SYNPR: variants seen among roughly 807,000 people sequenced by gnomAD.
SYNPR encodes the protein synaptoporin.
A neutral mutation model predicts 32.9 loss-of-function variants in SYNPR; 23 were observed. That is an observed-to-expected ratio of 0.70 (90% CI 0.50 to 0.99). The LOEUF is 0.99. Ranked by LOEUF, SYNPR falls within the 50% of genes least tolerant of loss-of-function variation. The pLI is 0.00. For synonymous variants in SYNPR, 146 were observed against 135.9 expected, an observed-to-expected ratio of 1.07 and a Z score of -0.52; for missense variants, 318 against 349.3, an observed-to-expected ratio of 0.91 and a Z score of 0.71.
intron 2 of SYNPR, among the ~76,000 whole-genome samples, chr3:63,342,026 T>G (rs1021816687): frequency 6.6e-6 from 1 of 152,234 alleles, no homozygotes; most frequent in African/African-American, 2.4e-5. Context: ...CATTTTAATT[T>G]TTGTGGAAGT....
chr3:63,561,759 A>G (rs1559537107), intron 4 of SYNPR, among the ~76,000 whole-genome samples: 1 of 152,196 alleles, frequency 6.6e-6, no homozygotes, highest in Non-Finnish European at 1.5e-5. Flanking sequence ...TAAAATGGCC[A>G]GGATAAATGT....
At chr3:63,608,253 C>T (rs957023506) in intron 4 of SYNPR, among the ~76,000 whole-genome samples, 1 of 152,116 alleles carries the variant, frequency 6.6e-6, no homozygotes, top group Non-Finnish European at 1.5e-5. Context: ...CATCCTGTTA[C>T]ATCCTAGAAA....
At chr3:63,282,547 G>C (rs1401039291) in intron 2 of SYNPR, among the ~76,000 whole-genome samples, 1 of 152,136 alleles carries the variant, frequency 6.6e-6, no homozygotes, top group Non-Finnish European at 1.5e-5. Context: ...ATTAGGCATT[G>C]TGGTGCATGC....
chr3:63,447,937 G>C (rs1023971352), intron 2 of SYNPR, among the ~76,000 whole-genome samples: 4 of 152,142 alleles, frequency 2.6e-5, no homozygotes, highest in African/African-American at 9.7e-5. Flanking sequence ...TAAATGATGT[G>C]TTGGGCATAA....
chr3:63,379,031 A>C (rs2087931551), intron 2 of SYNPR, among the ~76,000 whole-genome samples: 1 of 152,146 alleles, frequency 6.6e-6, no homozygotes, highest in South Asian at 2.1e-4. Context: ...GTATTTTAAA[A>C]ATTTCTTTTG....
intron 3 of SYNPR, among the ~76,000 whole-genome samples, chr3:63,501,645 T>G (rs1014997566): frequency 2.0e-5 from 3 of 152,210 alleles, no homozygotes; most frequent in East Asian, 3.8e-4. Context: ...CAGCTTTTGT[T>G]ATCTCCGTGT....
At chr3:63,473,127 T>C (rs1277096494) in intron 2 of SYNPR, among the ~76,000 whole-genome samples, 5 of 152,172 alleles carry the variant, frequency 3.3e-5, no homozygotes, top group African/African-American at 1.2e-4. Context: ...TTGTGTGTCT[T>C]TGACTTACTC....
At chr3:63,227,018 CAAAAT>C (rs1424719899), upstream of SYNPR, among the ~76,000 whole-genome samples, 1 of 151,818 alleles carries the variant, frequency 6.6e-6, no homozygotes, top group African/African-American at 2.4e-5. Context: ...AAGAAAAAAT[CAAAAT>C]AAAATAAAAT....
chr3:63,271,835 G>C (rs1235505192), intron 3 of SYNPR, among the ~76,000 whole-genome samples: 1 of 151,698 alleles, frequency 6.6e-6, no homozygotes, highest in East Asian at 1.9e-4. Flanking sequence ...ATAGTTTTAG[G>C]ATTATCCAAT....
At chr3:63,447,476 T>A (rs996726662) in intron 2 of SYNPR, among the ~76,000 whole-genome samples, 2 of 152,182 alleles carry the variant, frequency 1.3e-5, no homozygotes, top group Admixed American at 1.3e-4. Flanking sequence ...ACATAATTAG[T>A]TTTGGACTAA....
chr3:63,260,313 T>C (rs1370934388), intron 2 of SYNPR, among the ~76,000 whole-genome samples: 1 of 152,118 alleles, frequency 6.6e-6, no homozygotes, highest in Non-Finnish European at 1.5e-5. Context: ...CTACCTGACA[T>C]CAAACTATAC....
intron 2 of SYNPR, among the ~76,000 whole-genome samples, chr3:63,341,219 CATTT>C (rs1261987110): frequency 2.0e-5 from 3 of 152,174 alleles, no homozygotes; most frequent in African/African-American, 7.2e-5. Context: ...CTTGATAGCT[CATTT>C]ATTTTTTATT....
chr3:63,335,123 G>A (rs1215248709), intron 2 of SYNPR, among the ~76,000 whole-genome samples: 1 of 152,180 alleles, frequency 6.6e-6, no homozygotes, highest in Non-Finnish European at 1.5e-5. Context: ...GGGAGGCCGA[G>A]GCGGGTGGAT....
chr3:63,377,686 T>C (rs1230256815), intron 2 of SYNPR, among the ~76,000 whole-genome samples: 1 of 152,068 alleles, frequency 6.6e-6, no homozygotes, highest in Non-Finnish European at 1.5e-5. Flanking sequence ...GGATCTGTGT[T>C]ATTAAACAAA....
At chr3:63,403,364 G>T (rs1296716316) in intron 2 of SYNPR, among the ~76,000 whole-genome samples, 1 of 151,196 alleles carries the variant, frequency 6.6e-6, no homozygotes, top group Non-Finnish European at 1.5e-5. Flanking sequence ...CTGTGTTACT[G>T]CTTTTATATA....
chr3:63,246,557 T>C (rs1056919907), intron 1 of SYNPR, among the ~76,000 whole-genome samples: 2 of 152,066 alleles, frequency 1.3e-5, no homozygotes, highest in Non-Finnish European at 2.9e-5. Flanking sequence ...CTAATCTAGA[T>C]GCAGGGGGTA....
chr3:63,512,367 C>G (rs891524526), intron 3 of SYNPR, among the ~76,000 whole-genome samples: 1 of 152,098 alleles, frequency 6.6e-6, no homozygotes, highest in South Asian at 2.1e-4. Context: ...TTGACAACAA[C>G]AACAACAAAA....
intron 2 of SYNPR, among the ~76,000 whole-genome samples, chr3:63,340,925 T>C: frequency 6.6e-6 from 1 of 152,190 alleles, no homozygotes. Context: ...ACTCTTTGTG[T>C]TGTACAGTTC....
intron 3 of SYNPR, among the ~76,000 whole-genome samples, chr3:63,550,242 ATATG>A (rs1212783071): frequency 1.3e-5 from 2 of 150,934 alleles, no homozygotes; most frequent in Admixed American, 6.6e-5. Flanking sequence ...ATATAAATAA[ATATG>A]TATGTATTTA....
Sources: allele counts gnomAD v4.1 joint callset (sites outside exome capture counted in the v4.1 genomes callset), GRCh38; gene constraint gnomAD v4.1.1; transcripts MANE v1.5; gene names NCBI Gene and HGNC (gene_info 2026-07-23, HGNC 2026-07-21).